The following TMEM276 variants were observed in gnomAD, a reference collection of about 807,000 sequenced individuals.
The protein encoded by TMEM276 is transmembrane protein 276.
At chr8:144,466,200 G>T in the TMEM276 span, 1 of 178,552 alleles carries the variant, frequency 5.6e-6, no homozygotes, top group Non-Finnish European at 1.2e-5. Context: ...GGGTTGGGGC[G>T]CGCCGGGCGG....
chr8:144,464,904 C>T, the TMEM276 span: 2 of 1,611,322 alleles, frequency 1.2e-6, no homozygotes, highest in African/African-American at 2.7e-5. Context: ...GGGGCCATGG[C>T]ACCTCAGGCG....
chr8:144,464,264 C>T, the TMEM276 span: 1 of 1,613,154 alleles, frequency 6.2e-7, no homozygotes, highest in African/African-American at 1.3e-5. Flanking sequence ...AGGCCTGCCA[C>T]ACCCAGCATC....
the TMEM276 span, chr8:144,464,825 G>A: frequency 1.9e-6 from 3 of 1,612,796 alleles, no homozygotes; most frequent in South Asian, 2.2e-5. Context: ...TGTGCTCACG[G>A]CTGCGTGCAG....
chr8:144,466,472 G>A, the TMEM276 span: 2 of 1,350,508 alleles, frequency 1.5e-6, no homozygotes, highest in Non-Finnish European at 1.9e-6. Flanking sequence ...CTCTTCCGCA[G>A]GGATGGTGGC....
chr8:144,466,788 G>C, the TMEM276 span: 2 of 1,534,376 alleles, frequency 1.3e-6, no homozygotes, highest in Non-Finnish European at 1.7e-6. Context: ...GGTCGCCGGC[G>C]CCCAGACCTG....
the TMEM276 span, chr8:144,464,093 C>A: frequency 3.2e-6 from 5 of 1,580,868 alleles, no homozygotes; most frequent in African/African-American, 5.4e-5. Flanking sequence ...AAGTGTTCGG[C>A]AGGGCAGAAA....
chr8:144,465,437 C>T, the TMEM276 span: 1 of 1,006,396 alleles, frequency 9.9e-7, no homozygotes. Flanking sequence ...CCTGCCTCCT[C>T]TGCCGTGCCC....
the TMEM276 span, chr8:144,465,298 G>A: frequency 5.2e-5 from 58 of 1,122,922 alleles, 2 homozygotes; most frequent in East Asian, 3.5e-3. Flanking sequence ...CTGGGAACCC[G>A]GGTCCAGGAG....
chr8:144,465,380 G>T, the TMEM276 span: 1 of 1,032,380 alleles, frequency 9.7e-7, no homozygotes, highest in Non-Finnish European at 1.2e-6. Flanking sequence ...ACGCAGCGGC[G>T]AGCGGGAGGC....
At chr8:144,464,754 C>T in the TMEM276 span, 13 of 1,606,082 alleles carry the variant, frequency 8.1e-6, no homozygotes, top group Non-Finnish European at 9.3e-6. Flanking sequence ...GAAACTAGGT[C>T]CTTGGGGTTT....
At chr8:144,465,431 C>T in the TMEM276 span, 6 of 1,009,704 alleles carry the variant, frequency 5.9e-6, no homozygotes, top group Non-Finnish European at 5.9e-6. Flanking sequence ...GTCGGCCCTG[C>T]CTCCTCTGCC....
chr8:144,466,027 CGGGGCT>C, the TMEM276 span: 2 of 9,828 alleles, frequency 2.0e-4, no homozygotes, highest in Admixed American at 1.2e-3. Flanking sequence ...CTGAGATGGG[CGGGGCT>C]GAGATGGGCG....
At chr8:144,466,796 C>G in the TMEM276 span, 6 of 1,535,968 alleles carry the variant, frequency 3.9e-6, no homozygotes, top group Non-Finnish European at 4.4e-6. Context: ...GCGCCCAGAC[C>G]TGCCCGCGCC....
the TMEM276 span, chr8:144,466,712 G>A: frequency 1.4e-6 from 2 of 1,428,952 alleles, no homozygotes; most frequent in East Asian, 2.7e-5. Flanking sequence ...GAAGGGGCCA[G>A]CAGGCTGCCT....
At chr8:144,464,628 A>C in the TMEM276 span, 1 of 1,597,628 alleles carries the variant, frequency 6.3e-7, no homozygotes, top group East Asian at 2.2e-5. Flanking sequence ...AACACAGGGA[A>C]GGGAGAACAC....
the TMEM276 span, chr8:144,466,528 G>A: frequency 6.5e-6 from 8 of 1,231,064 alleles, no homozygotes; most frequent in Non-Finnish European, 8.2e-6. Context: ...GGTGAGCGGG[G>A]CTGGCCGTGC....
At chr8:144,464,773 T>C in the TMEM276 span, 3 of 1,610,164 alleles carry the variant, frequency 1.9e-6, no homozygotes, top group East Asian at 6.7e-5. Context: ...TTGGGAGGTA[T>C]GGGGATGCGC....
At chr8:144,465,462 G>C in the TMEM276 span, 1 of 995,878 alleles carries the variant, frequency 1.0e-6, no homozygotes, top group Non-Finnish European at 1.2e-6. Context: ...TTGCGGGAGC[G>C]AGCGCGGTCG....
chr8:144,466,879 C>T, the TMEM276 span: 44 of 1,538,302 alleles, frequency 2.9e-5, no homozygotes, highest in East Asian at 7.2e-5. Flanking sequence ...AGGGCGGTGC[C>T]GGGACCTCCC....
Sources: gnomAD v4.1 joint callset for allele counts on GRCh38, gnomAD v4.1.1 for gene constraint, MANE v1.5 for transcripts, NCBI Gene and HGNC (gene_info 2026-07-23, HGNC 2026-07-21) for gene names.